Variants in ALDH3B2 observed in about 807,000 individuals in gnomAD.
ALDH3B2 encodes aldehyde dehydrogenase 3 family member B2.
ALDH3B2 carries 45 observed loss-of-function variants against 36.7 expected under a neutral mutation model. That is an observed-to-expected ratio of 1.23 (90% CI 0.97 to 1.57). ALDH3B2 has a LOEUF of 1.57. ALDH3B2 is among the 40% of genes most tolerant of loss of function. ALDH3B2 has a pLI of 0.00. For synonymous variants in ALDH3B2, 217 were observed against 226.5 expected (o/e 0.96, Z 0.38); for missense variants, 464 against 513.3 (o/e 0.90, Z 0.93).
At chr11:67,664,702 G>T in intron 7 of ALDH3B2, 140 bp from the exon 8 acceptor site, 1 of 1,287,434 alleles carries the variant, frequency 7.8e-7, no homozygotes, top group Non-Finnish European at 1.0e-6. Flanking sequence ...TTCAGGCTTT[G>T]GAGTGTTTAG....
chr11:67,662,839 C>T, exon 10 of ALDH3B2: 1 of 242,880 alleles, frequency 4.1e-6, no homozygotes, highest in Non-Finnish European at 8.0e-6. Flanking sequence ...GCCTGGAGGG[C>T]TCCACGCTCT....
At chr11:67,665,033 G>T in intron 7 of ALDH3B2, among the ~76,000 whole-genome samples, 1 of 152,148 alleles carries the variant, frequency 6.6e-6, no homozygotes, top group East Asian at 1.9e-4. Context: ...ATTCACCTTA[G>T]CACGCTGGGC....
At chr11:67,668,951 A>G (rs1398372878) in intron 1 of ALDH3B2, among the ~76,000 whole-genome samples, 14 of 103,462 alleles carry the variant, frequency 1.4e-4, no homozygotes, top group Non-Finnish European at 2.3e-4. Context: ...GGGTGTGTGT[A>G]TGTGTGTATG....
intron 8 of ALDH3B2, 57 bp from the exon 9 acceptor site, chr11:67,663,818 C>G: frequency 6.8e-7 from 1 of 1,471,674 alleles, no homozygotes; most frequent in Non-Finnish European, 9.3e-7. Context: ...AGGGCTTGAG[C>G]CCCGCACATT....
chr11:67,674,255 C>T (rs886636462), intron 1 of ALDH3B2, among the ~76,000 whole-genome samples, 181 bp downstream of exon 1: 1 of 152,170 alleles, frequency 6.6e-6, no homozygotes, highest in Non-Finnish European at 1.5e-5. Context: ...CAGCACCCAC[C>T]TCCCTCTCCT....
At chr11:67,663,476 G>T (rs1855809394) in intron 9 of ALDH3B2, 77 bp from the exon 10 acceptor site, 14 of 1,528,358 alleles carry the variant, frequency 9.2e-6, no homozygotes, top group Non-Finnish European at 8.9e-6. Context: ...GCCCCGGCCA[G>T]GGCACACAGC....
At chr11:67,670,858 T>A (rs1251739565) in intron 1 of ALDH3B2, among the ~76,000 whole-genome samples, 1 of 152,182 alleles carries the variant, frequency 6.6e-6, no homozygotes, top group Non-Finnish European at 1.5e-5. Flanking sequence ...GCTCTGCAAA[T>A]ATTCATCTAC....
chr11:67,665,985 G>T, intron 6 of ALDH3B2, 137 bp downstream of exon 6: 1 of 1,206,724 alleles, frequency 8.3e-7, no homozygotes, highest in South Asian at 1.4e-5. Flanking sequence ...GCCTATGCAG[G>T]CAGACGGACT....
chr11:67,666,769 A>G lies in ALDH3B2; in HGVS notation c.31-75T>C, dbSNP rs927109096. On this transcript the variant is annotated intron_variant, in intron 3 of 9. Transcript: ENST00000349015. ...CCACCCACTGCACACTTGGGGCCTC[A>G]GCTCCCTGTGCGATGGAATCCCAGG... 3.1e-6 allele frequency: 5 copies of G among 1,608,350 alleles called. No homozygotes were observed. In the African/African-American group the frequency reaches 6.7e-5, roughly 22 times the overall value.
chr11:67,681,252 G>A (rs1856362636), upstream of ALDH3B2: 1 of 152,222 alleles, frequency 6.6e-6, no homozygotes, highest in South Asian at 2.1e-4. Context: ...GCTGAGCAGA[G>A]GGAAGCCCCT....
chr11:67,667,294 G>T (rs973899587), intron 2 of ALDH3B2, among the ~76,000 whole-genome samples, 179 bp downstream of exon 2: 13 of 142,894 alleles, frequency 9.1e-5, no homozygotes, highest in African/African-American at 3.1e-4. Context: ...CAGGGTGGCT[G>T]TGAGTGTTCA....
At chr11:67,663,253 G>C (rs773608548) in exon 10 of ALDH3B2, 1 of 1,613,464 alleles carries the variant, frequency 6.2e-7, no homozygotes, top group South Asian at 1.1e-5. Context: ...ATGCCCCAGC[G>C]TAACAGCTGC....
chr11:67,668,446 A>G (rs1476486290), intron 1 of ALDH3B2, among the ~76,000 whole-genome samples: 3 of 152,176 alleles, frequency 2.0e-5, no homozygotes, highest in Non-Finnish European at 4.4e-5. Flanking sequence ...GGGGACACTC[A>G]AGAGGATTGC....
chr11:67,676,728 G>A (rs1856280457), upstream of ALDH3B2, among the ~76,000 whole-genome samples: 1 of 152,036 alleles, frequency 6.6e-6, no homozygotes, highest in South Asian at 2.1e-4. Context: ...GAAAAGAAGA[G>A]AGAAAATCCT....
intron 1 of ALDH3B2, among the ~76,000 whole-genome samples, chr11:67,668,272 G>A (rs931139258): frequency 6.6e-6 from 1 of 152,200 alleles, no homozygotes; most frequent in Non-Finnish European, 1.5e-5. Context: ...GAGCTCCGGG[G>A]CTGGTATGGG....
At chr11:67,664,723 T>C (rs1855849222) in intron 7 of ALDH3B2, among the ~76,000 whole-genome samples, 161 bp from the exon 8 acceptor site, 1 of 152,184 alleles carries the variant, frequency 6.6e-6, no homozygotes, top group African/African-American at 2.4e-5. Flanking sequence ...GGAAGAAAGT[T>C]TCCCCACAGC....
At chr11:67,666,540 G>A (rs750340117) in intron 4 of ALDH3B2, 34 bp downstream of exon 4, 7 of 1,612,986 alleles carry the variant, frequency 4.3e-6, no homozygotes, top group Non-Finnish European at 5.1e-6. Context: ...GCTACTGGGC[G>A]GGGAGAGCAT....
intron 1 of ALDH3B2, among the ~76,000 whole-genome samples, chr11:67,673,131 C>T (rs553939748): frequency 1.1e-4 from 16 of 151,860 alleles, no homozygotes; most frequent in East Asian, 5.8e-4. Context: ...GGGGTTTCAC[C>T]GTGCTAGCCA....
At chr11:67,662,898 C>G in exon 10 of ALDH3B2, 1 of 373,994 alleles carries the variant, frequency 2.7e-6, no homozygotes, top group Non-Finnish European at 4.9e-6. Flanking sequence ...CTGTATTTTC[C>G]AGGGTGACAC....
Sources: allele counts gnomAD v4.1 joint callset (sites outside exome capture counted in the v4.1 genomes callset), GRCh38; gene constraint gnomAD v4.1.1; transcripts MANE v1.5; gene names NCBI Gene and HGNC (gene_info 2026-07-23, HGNC 2026-07-21).